PRKG1: variants seen among roughly 807,000 people sequenced by gnomAD.
PRKG1 encodes protein kinase cGMP-dependent 1.
In PRKG1, 35 loss-of-function variants were observed where a neutral mutation model predicts 88.1. That is an observed-to-expected ratio of 0.40 (90% CI 0.30 to 0.53). The LOEUF (loss-of-function observed/expected upper bound fraction) is 0.53, where lower values mean the gene tolerates loss of function less well. Among genes scored for constraint, PRKG1 ranks in the 20% least tolerant of loss-of-function variants. The pLI, the probability that PRKG1 is intolerant of heterozygous loss-of-function variation, is 0.59. For missense variants in PRKG1, 540 were observed against 839.8 expected, an observed-to-expected ratio of 0.64 and a Z score of 4.41; for synonymous variants, 303 against 292.5, an observed-to-expected ratio of 1.04 and a Z score of -0.37.
chr10:52,149,569 GGC>G (rs1194056946), intron 8 of PRKG1, among the ~76,000 whole-genome samples: 1 of 152,054 alleles, frequency 6.6e-6, no homozygotes, highest in Non-Finnish European at 1.5e-5. Context: ...ACACCAACAG[GGC>G]GCACATGCAG....
intron 5 of PRKG1, among the ~76,000 whole-genome samples, chr10:52,053,119 T>G (rs544166770): frequency 6.6e-6 from 1 of 152,176 alleles, no homozygotes; most frequent in Non-Finnish European, 1.5e-5. Context: ...CATGTGTGTG[T>G]GCAGGATGGG....
intron 3 of PRKG1, among the ~76,000 whole-genome samples, chr10:51,551,236 T>C (rs562089442): frequency 2.0e-5 from 3 of 151,998 alleles, no homozygotes; most frequent in East Asian, 3.9e-4. Context: ...CTCAAACATA[T>C]GGACCTCACT....
intron 2 of PRKG1, among the ~76,000 whole-genome samples, chr10:51,251,789 A>T (rs945142504): frequency 8.6e-5 from 13 of 151,708 alleles, no homozygotes; most frequent in African/African-American, 2.4e-5. Flanking sequence ...CTCTACTCAA[A>T]ATGTGTACGG....
chr10:51,150,059 A>G (rs1418795331), intron 1 of PRKG1, among the ~76,000 whole-genome samples: 1 of 152,160 alleles, frequency 6.6e-6, no homozygotes. Flanking sequence ...TTAAAAATAA[A>G]TAATTTGTAC....
intron 7 of PRKG1, among the ~76,000 whole-genome samples, chr10:52,089,804 C>CTTTTTTTTTTTTTTTGTT (rs1847005841): frequency 1.5e-5 from 1 of 67,722 alleles, no homozygotes; most frequent in Non-Finnish European, 2.4e-5. Context: ...TTCTTTCCTT[C>CTTTTTTTTTTTTTTTGTT]TTTTTTTTTT....
chr10:51,837,631 G>A (rs531308236), intron 4 of PRKG1, among the ~76,000 whole-genome samples: 2 of 152,198 alleles, frequency 1.3e-5, no homozygotes, highest in Admixed American at 1.3e-4. Context: ...CGTGGCTAGG[G>A]TAGGGGGCTC....
Position 51,507,754 on chromosome 10 carries a change from C to T in PRKG1, c.592+39918C>T, listed in dbSNP as rs865868122. Among the ~76,000 whole-genome samples, 76 of 152,058 alleles carry T rather than the reference C, an allele frequency of 5.0e-4. 1 individual carries two copies. Among genetic ancestry groups the T allele is most frequent in the Non-Finnish European group, 3.2e-4 (22 of 68,004 alleles). On this transcript the variant is annotated intron_variant, in intron 3 of 17. Transcript: ENST00000373980. ...ATGACTGGAATAGCCAAACTGATGT[C>T]GATGGAGCACTTTGGAAAAGGAAGG...
chr10:51,789,066 C>T (rs925964484), intron 3 of PRKG1, among the ~76,000 whole-genome samples: 1 of 152,062 alleles, frequency 6.6e-6, no homozygotes, highest in Non-Finnish European at 1.5e-5. Flanking sequence ...ATTAGCATGA[C>T]TTTTTAAAGA....
intron 5 of PRKG1, among the ~76,000 whole-genome samples, chr10:52,017,826 C>T (rs1845080764): frequency 6.6e-6 from 1 of 152,092 alleles, no homozygotes; most frequent in Admixed American, 6.6e-5. Flanking sequence ...TACAAGACCC[C>T]TGTTGTAATT....
chr10:52,104,105 A>T (rs1847360187), intron 7 of PRKG1, among the ~76,000 whole-genome samples: 1 of 150,826 alleles, frequency 6.6e-6, no homozygotes, highest in African/African-American at 2.4e-5. Context: ...CCTGATTTTT[A>T]GCTGTCCTAT....
chr10:51,078,237 G>GTTGTTT, intron 1 of PRKG1, among the ~76,000 whole-genome samples: 3 of 151,092 alleles, frequency 2.0e-5, no homozygotes, highest in Non-Finnish European at 1.5e-5. Flanking sequence ...TGTTGTTGTT[G>GTTGTTT]AGACAGAGTC....
chr10:52,258,671 G>A lies in PRKG1; in HGVS notation c.1173+7005G>A, dbSNP rs554807807. Among the ~76,000 whole-genome samples the A allele has an allele frequency of 2.0e-5, 3 of 152,052 alleles. No individual in the cohort carries two copies. In the East Asian group the frequency reaches 5.8e-4, roughly 29 times the overall value. ...GTTTTAAAACATCCAAAATATTTGT[G>A]GGATATAAAAATATCTGACATGATT... On this transcript the variant is annotated intron_variant, in intron 10 of 17. Coordinates refer to ENST00000373980, the MANE Select transcript of PRKG1 (RefSeq NM_006258.4).
chr10:51,428,055 C>G (rs568950694), intron 2 of PRKG1, among the ~76,000 whole-genome samples: 4 of 152,236 alleles, frequency 2.6e-5, no homozygotes, highest in African/African-American at 9.6e-5. Flanking sequence ...GGCACATGGC[C>G]TTAAGGAGAG....
chr10:52,196,238 G>C (rs753866265), intron 9 of PRKG1, among the ~76,000 whole-genome samples: 1 of 151,986 alleles, frequency 6.6e-6, no homozygotes, highest in Non-Finnish European at 1.5e-5. Context: ...GGATGGTCTC[G>C]ATCTCCTGAC....
At chr10:51,581,529 C>T (rs558984642) in intron 3 of PRKG1, among the ~76,000 whole-genome samples, 1 of 152,188 alleles carries the variant, frequency 6.6e-6, no homozygotes, top group Non-Finnish European at 1.5e-5. Flanking sequence ...ATTCCATTCC[C>T]CGAGCTATGA....
chr10:51,904,334 T>A lies in PRKG1; in HGVS notation c.699-3173T>A, dbSNP rs569755429. Among the ~76,000 whole-genome samples, 3 of 152,278 alleles carry A rather than the reference T, an allele frequency of 2.0e-5. No homozygotes were observed. The East Asian group carries it at 5.8e-4, about 29-fold the overall frequency. On this transcript the variant is annotated intron_variant, in intron 4 of 17. Coordinates refer to ENST00000373980, the MANE Select transcript of PRKG1 (RefSeq NM_006258.4). ...ATTTTGCTTTCAGTTTTCTAAAGGA[T>A]AGAAAACTTTATTTTGAATTATTTT...
At chr10:51,530,816 C>G (rs577400114) in intron 3 of PRKG1, among the ~76,000 whole-genome samples, 96 of 152,252 alleles carry the variant, frequency 6.3e-4, no homozygotes, top group African/African-American at 2.2e-3. Flanking sequence ...GATGGGAAAC[C>G]CTTTTTCCCA....
intron 3 of PRKG1, among the ~76,000 whole-genome samples, chr10:51,743,514 C>G (rs972981833): frequency 2.6e-5 from 4 of 151,534 alleles, no homozygotes; most frequent in Non-Finnish European, 5.9e-5. Context: ...TCAGTAACAT[C>G]TTCCCGAGTA....
At chr10:52,058,379 T>C (rs532943617) in intron 6 of PRKG1, among the ~76,000 whole-genome samples, 1 of 152,030 alleles carries the variant, frequency 6.6e-6, no homozygotes, top group Non-Finnish European at 1.5e-5. Flanking sequence ...AAAATCACAT[T>C]ATCATGCCAA....
Sources: allele counts gnomAD v4.1 joint callset (sites outside exome capture counted in the v4.1 genomes callset), GRCh38; gene constraint gnomAD v4.1.1; transcripts MANE v1.5; gene names NCBI Gene and HGNC (gene_info 2026-07-23, HGNC 2026-07-21).